Variants in MRPS18A observed in about 807,000 individuals in gnomAD.
MRPS18A encodes the protein large ribosomal subunit protein mL66.
In MRPS18A, 20 loss-of-function variants were observed where a neutral mutation model predicts 22.7. The ratio of observed to expected loss-of-function variants is 0.88; its 90% confidence interval spans 0.62 to 1.28. MRPS18A has a LOEUF of 1.28. Ranked by LOEUF, MRPS18A falls within the 50% of genes most tolerant of loss-of-function variation. MRPS18A has a pLI of 0.00. For synonymous variants in MRPS18A, 106 were observed against 99.1 expected (o/e 1.07, Z -0.41); for missense variants, 294 against 262.6 (o/e 1.12, Z -0.83).
chr6:43,675,318 C>T (rs769801553), intron 4 of MRPS18A, 47 bp from the exon 5 acceptor site: 5 of 1,557,628 alleles, frequency 3.2e-6, no homozygotes, highest in Non-Finnish European at 4.4e-6. Flanking sequence ...CCCTCTGCAG[C>T]TCTGAGGGGG....
At chr6:43,683,905 T>C (rs978460836) in intron 1 of MRPS18A, among the ~76,000 whole-genome samples, 5 of 152,160 alleles carry the variant, frequency 3.3e-5, no homozygotes, top group Non-Finnish European at 1.5e-5. Context: ...AAGAGGTCCT[T>C]TGAGTACTTC....
At chr6:43,674,432 C>A (rs561300046) in intron 5 of MRPS18A, among the ~76,000 whole-genome samples, 3 of 152,302 alleles carry the variant, frequency 2.0e-5, no homozygotes, top group Middle Eastern at 3.4e-3. Context: ...GAGGAAAGGG[C>A]CATTGGTAGG....
At chr6:43,672,503 T>C (rs956082603) in intron 5 of MRPS18A, 8 of 462,510 alleles carry the variant, frequency 1.7e-5, no homozygotes, top group African/African-American at 4.0e-5. Flanking sequence ...TTGGCCTCCT[T>C]TGGGGATGGC....
intron 1 of MRPS18A, among the ~76,000 whole-genome samples, chr6:43,686,178 A>T (rs748195758): frequency 2.0e-5 from 3 of 152,272 alleles, no homozygotes; most frequent in Non-Finnish European, 4.4e-5. Flanking sequence ...TTAAAACAAA[A>T]CGATTCCTCT....
intron 5 of MRPS18A, 39 bp downstream of exon 5, chr6:43,675,163 C>T (rs201676131): frequency 5.7e-5 from 84 of 1,482,484 alleles, no homozygotes; most frequent in Non-Finnish European, 7.2e-5. Context: ...TTTTCCTGAG[C>T]GCAGAACGCT....
Position 43,673,811 on chromosome 6 carries a change from C to T in MRPS18A, c.446+1391G>A, listed in dbSNP as rs1423995547. 6.6e-6 allele frequency among the ~76,000 whole-genome samples: 1 copy of T among 152,240 alleles called. No homozygotes were observed. Among genetic ancestry groups the T allele is most frequent in the Admixed American group, 6.5e-5 (1 of 15,290 alleles). On this transcript the variant is annotated intron_variant, in intron 5 of 5. Coordinates refer to ENST00000372133, the MANE Select transcript of MRPS18A (RefSeq NM_018135.4). This position sits in a 1 kb window ranked among gnomAD's most constrained non-coding sequence, Gnocchi z 4.2. ...GAATCCATTTCCTTCGTAGCCTGAACTCCCCCTCCCGCTCAGCGTGGCCTT... is the reference window on the plus strand; with the variant it reads ...GAATCCATTTCCTTCGTAGCCTGAATTCCCCCTCCCGCTCAGCGTGGCCTT...
chr6:43,677,374 T>C (rs1485895225), intron 3 of MRPS18A, among the ~76,000 whole-genome samples: 1 of 152,190 alleles, frequency 6.6e-6, no homozygotes, highest in East Asian at 1.9e-4. Flanking sequence ...TCAGATCCCA[T>C]GGGCATGTGG....
At chr6:43,680,184 G>T (rs1774312766) in intron 2 of MRPS18A, among the ~76,000 whole-genome samples, 1 of 152,192 alleles carries the variant, frequency 6.6e-6, no homozygotes, top group African/African-American at 2.4e-5. Flanking sequence ...GGAGTTGATA[G>T]AGTGAATGCT....
intron 4 of MRPS18A, 62 bp from the exon 5 acceptor site, chr6:43,675,333 A>T: frequency 6.4e-7 from 1 of 1,570,402 alleles, no homozygotes; most frequent in Non-Finnish European, 8.7e-7. Flanking sequence ...AGGGGGCCAG[A>T]GGGAAAGCCC....
rs1342884708 is a variant in MRPS18A at position 43,673,801 on chromosome 6, G to A, written c.446+1401C>T. On this transcript the variant is annotated intron_variant, in intron 5 of 5. Coordinates refer to ENST00000372133, the MANE Select transcript of MRPS18A (RefSeq NM_018135.4). This position sits in a 1 kb window ranked among gnomAD's most constrained non-coding sequence, Gnocchi z 4.2. ...CCCTGCAAGGGAATCCATTTCCTTC[G>A]TAGCCTGAACTCCCCCTCCCGCTCA... Among the ~76,000 whole-genome samples the A allele has an allele frequency of 6.6e-6, 1 of 152,202 alleles. No individual in the cohort carries two copies. Among genetic ancestry groups the A allele is most frequent in the Non-Finnish European group, 1.5e-5 (1 of 68,030 alleles).
intron 1 of MRPS18A, among the ~76,000 whole-genome samples, chr6:43,686,265 G>A (rs1179372303): frequency 6.6e-6 from 1 of 152,216 alleles, no homozygotes; most frequent in Non-Finnish European, 1.5e-5. Flanking sequence ...GTAGCCAATA[G>A]TGTTTGACAC....
chr6:43,676,253 C>T (rs777436916), intron 3 of MRPS18A, among the ~76,000 whole-genome samples: 7 of 152,188 alleles, frequency 4.6e-5, no homozygotes, highest in Non-Finnish European at 8.8e-5. Flanking sequence ...GACAAAATGT[C>T]TGCTCAGATA....
chr6:43,674,031 T>C (rs999720278), intron 5 of MRPS18A, among the ~76,000 whole-genome samples: 2 of 152,088 alleles, frequency 1.3e-5, no homozygotes, highest in Non-Finnish European at 2.9e-5. Context: ...TTAGGGGACA[T>C]AGGAAGAGGT....
rs1774800189 is a variant in MRPS18A, at chr6:43,687,730, C to T, written c.50G>A (p.Gly17Glu). The change falls in exon 1 of 6, where the codon GGG becomes GAG. Residue 17 changes from glycine to glutamate, a missense_variant. Gly to Glu is a moderately conservative substitution (Grantham distance 98, BLOSUM62 -2). Transcript: ENST00000372133. ...GGTCGCTGCCGGGCCCGCTAGTAGC[C>T]CACGGAGAAGCCGCCCACAGCCGGA... is the stretch of plus-strand genomic sequence containing the variant. ...LVSGCGRLLR[G>E]LLAGPAATSW... The T allele has an allele frequency of 6.3e-7, 1 of 1,588,446 alleles. No individual in the cohort carries two copies. The highest frequency in any genetic ancestry group is 8.6e-7 in the Non-Finnish European group (1 of 1,167,714).
At chr6:43,687,587 G>A in intron 1 of MRPS18A, 81 bp downstream of exon 1, 2 of 1,245,208 alleles carry the variant, frequency 1.6e-6, no homozygotes, top group Non-Finnish European at 2.3e-6. Flanking sequence ...AGGAAAGGTA[G>A]GAAGGAGCGC....
At chr6:43,675,296 G>A (rs1450435477) in intron 4 of MRPS18A, 25 bp from the exon 5 acceptor site, 1 of 1,545,004 alleles carries the variant, frequency 6.5e-7, no homozygotes, top group Non-Finnish European at 8.7e-7. Flanking sequence ...AGAGGGGATA[G>A]TCTTTGCAGC....
rs77153023 is a variant in MRPS18A, at chr6:43,672,441, G to A, written c.447-535C>T. 8.5e-6 allele frequency: 4 copies of A among 470,968 alleles called. No homozygotes were observed. The Admixed American group carries it at 9.4e-5, about 11-fold the overall frequency. 29.2% of individuals were successfully genotyped at this position (470,968 alleles called of 1,614,324 possible). Reference sequence around the variant, plus strand: ...GTGGGCGCAGCCCTAGCCTAGGAAGGTTCCTGTAAATAGGAGGGGGGTGGG... The same window carrying A: ...GTGGGCGCAGCCCTAGCCTAGGAAGATTCCTGTAAATAGGAGGGGGGTGGG... On this transcript the variant is annotated intron_variant, in intron 5 of 5. Coordinates refer to ENST00000372133, the MANE Select transcript of MRPS18A (RefSeq NM_018135.4).
At chr6:43,678,988 T>A (rs947775049) in intron 2 of MRPS18A, among the ~76,000 whole-genome samples, 1 of 152,140 alleles carries the variant, frequency 6.6e-6, no homozygotes, top group Non-Finnish European at 1.5e-5. Context: ...CCTTGGCTTT[T>A]GGGGGAAAGT....
At position 43,681,072 on chromosome 6, in the gene MRPS18A, A is replaced by C. The variant is rs1435407364; in HGVS notation, c.144+17T>G. ...AGCGTTAAAGAGGTTATACATGGCC[A>C]ACTCAACGATACTTACTATAGTTGT... On this transcript the variant is annotated intron_variant, in intron 2 of 5. Transcript: ENST00000372133. 2 of 1,613,090 alleles carry C rather than the reference A, an allele frequency of 1.2e-6. No individual in the cohort carries two copies. The highest frequency in any genetic ancestry group is 1.7e-6 in the Non-Finnish European group (2 of 1,179,248).
Sources: allele counts gnomAD v4.1 joint callset (sites outside exome capture counted in the v4.1 genomes callset), GRCh38; gene constraint gnomAD v4.1.1; non-coding constraint Gnocchi (gnomAD v3.1); transcripts MANE v1.5; gene names NCBI Gene and HGNC (gene_info 2026-07-23, HGNC 2026-07-21).